Variants in BABAM2 observed in about 807,000 individuals in gnomAD.
BABAM2 encodes BRISC and BRCA1 A complex member 2, also known as BRISC and BRCA1-A complex member 2.
BABAM2 carries 31 observed loss-of-function variants against 54.7 expected under a neutral mutation model. The ratio of observed to expected loss-of-function variants is 0.57; its 90% CI spans 0.43 to 0.77. BABAM2 has a LOEUF of 0.77. Among genes scored for constraint, BABAM2 ranks in the 30% least tolerant of loss-of-function variants. The probability of loss-of-function intolerance (pLI) is 0.00; values close to 1 mark genes in which losing one functional copy is unlikely to be tolerated. For missense variants in BABAM2, 364 were observed against 455.8 expected (o/e 0.80, Z 1.83); for synonymous variants, 167 against 162.9 (o/e 1.03, Z -0.19).
intron 7 of BABAM2, among the ~76,000 whole-genome samples, chr2:28,137,957 G>A (rs1670693095): frequency 6.6e-6 from 1 of 152,078 alleles, no homozygotes; most frequent in African/African-American, 2.4e-5. Flanking sequence ...ATCAGGCCTA[G>A]CACCTTTCTG....
chr2:28,142,229 C>CT (rs1432862268), intron 7 of BABAM2, among the ~76,000 whole-genome samples: 1 of 152,120 alleles, frequency 6.6e-6, no homozygotes, highest in Non-Finnish European at 1.5e-5. Flanking sequence ...GACACGCTGT[C>CT]TTTCATTAGC....
At chr2:28,127,567 T>C (rs1669664710) in intron 6 of BABAM2, among the ~76,000 whole-genome samples, 2 of 152,154 alleles carry the variant, frequency 1.3e-5, no homozygotes, top group Admixed American at 1.3e-4. Flanking sequence ...TCCTTTCCTT[T>C]AAAAATGTTT....
intron 6 of BABAM2, among the ~76,000 whole-genome samples, chr2:28,052,815 A>G (rs112104513): frequency 3.3e-5 from 5 of 152,290 alleles, no homozygotes; most frequent in African/African-American, 1.2e-4. Flanking sequence ...ACTTGCCATT[A>G]AAGATTGAAT....
intron 4 of BABAM2, among the ~76,000 whole-genome samples, chr2:28,022,753 T>C (rs1675366886): frequency 6.6e-6 from 1 of 152,222 alleles, no homozygotes. Flanking sequence ...CTCTTTTTCA[T>C]AGATGCCTGC....
Position 28,325,240 on chromosome 2 carries a change from C to G in BABAM2, c.1089-13210C>G, listed in dbSNP as rs538370186. Reference sequence around the variant, plus strand: ...TCCTTCCCTCCCTCCCTTTCTGTAACGGAAGCCTGGGGCCGCAGGGCTACC... The same window carrying G: ...TCCTTCCCTCCCTCCCTTTCTGTAAGGGAAGCCTGGGGCCGCAGGGCTACC... On this transcript the variant is annotated intron_variant, in intron 11 of 11. Coordinates refer to ENST00000379624, the MANE Select transcript of BABAM2 (RefSeq NM_199191.3). The surrounding 1 kb of genome is among the most constrained non-coding windows in gnomAD (Gnocchi z 4.3). 2.6e-5 allele frequency among the ~76,000 whole-genome samples: 4 copies of G among 152,162 alleles called. No homozygotes were observed. The highest frequency in any genetic ancestry group is 5.9e-5 in the Non-Finnish European group (4 of 68,028).
chr2:28,086,001 T>C (rs906694020), intron 6 of BABAM2, among the ~76,000 whole-genome samples: 1 of 152,168 alleles, frequency 6.6e-6, no homozygotes, highest in Non-Finnish European at 1.5e-5. Flanking sequence ...GATAAGTACT[T>C]ACACATTTTC....
intron 7 of BABAM2, among the ~76,000 whole-genome samples, chr2:28,157,080 T>C (rs1441368818): frequency 1.3e-5 from 2 of 152,370 alleles, no homozygotes; most frequent in East Asian, 3.8e-4. Flanking sequence ...AAGACTTTTT[T>C]CCTTATGAAA....
chr2:28,139,009 T>C (rs558416346), intron 7 of BABAM2, among the ~76,000 whole-genome samples: 1 of 152,260 alleles, frequency 6.6e-6, no homozygotes, highest in South Asian at 2.1e-4. Flanking sequence ...GAAGCCTCAG[T>C]GCCCACCACA....
At chr2:27,930,046 C>A in intron 3 of BABAM2, 138 bp downstream of exon 3, 1 of 731,490 alleles carries the variant, frequency 1.4e-6, no homozygotes, top group South Asian at 1.9e-5. Context: ...CTTTTCTTAT[C>A]TGCCATTCAA....
At chr2:28,271,711 A>G (rs1317135611) in intron 10 of BABAM2, among the ~76,000 whole-genome samples, 1 of 152,242 alleles carries the variant, frequency 6.6e-6, no homozygotes, top group Non-Finnish European at 1.5e-5. Context: ...GGAAAGGGCC[A>G]ACCAGGCAGG....
At chr2:28,092,614 T>C (rs1666244073) in intron 6 of BABAM2, among the ~76,000 whole-genome samples, 1 of 152,146 alleles carries the variant, frequency 6.6e-6, no homozygotes, top group Non-Finnish European at 1.5e-5. Flanking sequence ...CCAGGAATCT[T>C]TACAGCCCCC....
At chr2:28,114,944 C>A (rs1201310348) in intron 6 of BABAM2, among the ~76,000 whole-genome samples, 1 of 152,126 alleles carries the variant, frequency 6.6e-6, no homozygotes, top group Admixed American at 6.5e-5. Flanking sequence ...AGTTTTGAAA[C>A]AGTAATTTAC....
intron 6 of BABAM2, among the ~76,000 whole-genome samples, chr2:28,090,067 G>A (rs572675857): frequency 1.3e-5 from 2 of 152,076 alleles, no homozygotes; most frequent in East Asian, 1.9e-4. Context: ...TTCCATTTCC[G>A]TGTTCAGATT....
At chr2:28,014,995 T>C (rs2148540786) in intron 4 of BABAM2, among the ~76,000 whole-genome samples, 1 of 152,356 alleles carries the variant, frequency 6.6e-6, no homozygotes, top group South Asian at 2.1e-4. Flanking sequence ...ATTCTAATGC[T>C]AAAAAATATT....
At chr2:28,312,057 C>T (rs1689132921) in intron 11 of BABAM2, among the ~76,000 whole-genome samples, 1 of 152,166 alleles carries the variant, frequency 6.6e-6, no homozygotes, top group South Asian at 2.1e-4. Flanking sequence ...CAGGTGCCGC[C>T]AGGGCTGCTC....
At chr2:28,337,560 C>T (rs2136379) in intron 11 of BABAM2, among the ~76,000 whole-genome samples, 133,685 of 152,246 alleles carry the variant, frequency 0.88, 59,091 homozygotes, top group East Asian at 1. Context: ...AAAGGCCAAA[C>T]GGGCTGCCCC....
intron 7 of BABAM2, among the ~76,000 whole-genome samples, chr2:28,139,075 C>G (rs1432197692): frequency 6.6e-6 from 1 of 152,010 alleles, no homozygotes; most frequent in African/African-American, 2.4e-5. Context: ...GGTAGTGGGA[C>G]CAGGGATAGG....
At chr2:27,999,749 T>C (rs1673447796) in intron 4 of BABAM2, among the ~76,000 whole-genome samples, 1 of 152,242 alleles carries the variant, frequency 6.6e-6, no homozygotes, top group African/African-American at 2.4e-5. Flanking sequence ...CTTCCTGAAA[T>C]AGTTACGAAC....
chr2:28,053,912 A>G (rs1038874551), intron 6 of BABAM2, among the ~76,000 whole-genome samples: 7 of 152,210 alleles, frequency 4.6e-5, no homozygotes, highest in Non-Finnish European at 7.3e-5. Flanking sequence ...GATGATGGAT[A>G]TGCTAATTAC....
Sources: allele counts gnomAD v4.1 joint callset (sites outside exome capture counted in the v4.1 genomes callset), GRCh38; gene constraint gnomAD v4.1.1; non-coding constraint Gnocchi (gnomAD v3.1); transcripts MANE v1.5; gene names NCBI Gene and HGNC (gene_info 2026-07-23, HGNC 2026-07-21).